Variants in ARHGAP24 observed in about 807,000 individuals in gnomAD.
ARHGAP24 encodes the protein rho GTPase-activating protein 24.
Under a neutral mutation model 76.4 loss-of-function variants are expected in ARHGAP24, and 50 were observed. That is an observed-to-expected ratio of 0.65 (90% CI 0.52 to 0.83). The LOEUF (loss-of-function observed/expected upper bound fraction) is 0.83. Among genes scored for constraint, ARHGAP24 ranks in the 40% least tolerant of loss-of-function variants. The pLI is 0.00. For missense variants in ARHGAP24, 930 were observed against 914.2 expected (o/e 1.02, Z -0.22); for synonymous variants, 345 against 323.3 (o/e 1.07, Z -0.72).
chr4:85,897,900 T>A (rs1734277078), intron 3 of ARHGAP24, among the ~76,000 whole-genome samples: 1 of 151,804 alleles, frequency 6.6e-6, no homozygotes, highest in Non-Finnish European at 1.5e-5. Context: ...CGCAAATGTG[T>A]GGCTGCGTCC....
At chr4:85,850,443 A>G (rs909087198) in intron 3 of ARHGAP24, among the ~76,000 whole-genome samples, 4 of 151,668 alleles carry the variant, frequency 2.6e-5, no homozygotes, top group African/African-American at 4.8e-5. Flanking sequence ...TTGTGTCTCT[A>G]TCTCCTTCAG....
intron 2 of ARHGAP24, among the ~76,000 whole-genome samples, chr4:85,626,514 A>G (rs931784588): frequency 2.4e-4 from 36 of 151,768 alleles, no homozygotes; most frequent in African/African-American, 8.7e-4. Context: ...TAACATTTTT[A>G]CCTTCATTTC....
intron 3 of ARHGAP24, among the ~76,000 whole-genome samples, chr4:85,877,257 G>A (rs1349109264): frequency 6.6e-6 from 1 of 152,132 alleles, no homozygotes. Flanking sequence ...GCAGGGTAGT[G>A]TAGGAAAGCA....
intron 4 of ARHGAP24, among the ~76,000 whole-genome samples, chr4:85,940,341 G>C (rs1037173136): frequency 1.3e-5 from 2 of 151,792 alleles, no homozygotes; most frequent in Non-Finnish European, 2.9e-5. Flanking sequence ...GTTGCCTAAT[G>C]GACCAAAGAT....
At chr4:85,584,816 G>T (rs1369306449) in intron 2 of ARHGAP24, among the ~76,000 whole-genome samples, 2 of 152,150 alleles carry the variant, frequency 1.3e-5, no homozygotes, top group African/African-American at 2.4e-5. Flanking sequence ...AATACAGCTT[G>T]TCATATCCCT....
intron 3 of ARHGAP24, among the ~76,000 whole-genome samples, chr4:85,781,451 G>A (rs556151327): frequency 1.3e-5 from 2 of 152,248 alleles, no homozygotes; most frequent in South Asian, 2.1e-4. Flanking sequence ...TATAAGCTGA[G>A]TCCAGGGCAA....
intron 5 of ARHGAP24, among the ~76,000 whole-genome samples, chr4:85,949,210 C>T (rs1020482406): frequency 5.9e-5 from 9 of 152,144 alleles, no homozygotes; most frequent in African/African-American, 1.2e-4. Flanking sequence ...TCACTGGCTG[C>T]GCAGACTCTG....
rs11941901 is a variant in ARHGAP24, at chr4:85,820,918, A to G, written c.268+98946A>G. Among the ~76,000 whole-genome samples the G allele has an allele frequency of 9.5e-3, 1,442 of 152,236 alleles. 27 individuals are homozygous for G. Among genetic ancestry groups the G allele is most frequent in the African/African-American group, 0.032 (1,350 of 41,574 alleles). ...AAATAGAGAAATGTATAAATAAGCTATATCATATTAATTTAAAATATTTTG... is the reference window on the plus strand; with the variant it reads ...AAATAGAGAAATGTATAAATAAGCTGTATCATATTAATTTAAAATATTTTG... On this transcript the variant is annotated intron_variant, in intron 3 of 9. Coordinates refer to ENST00000395184, the MANE Select transcript of ARHGAP24 (RefSeq NM_001025616.3).
chr4:85,565,167 C>T (rs1395507418), intron 1 of ARHGAP24, among the ~76,000 whole-genome samples: 4 of 151,462 alleles, frequency 2.6e-5, no homozygotes, highest in African/African-American at 7.3e-5. Context: ...ACAAACCAGC[C>T]TATTAGCAAT....
chr4:85,510,320 A>G (rs1315238033), intron 1 of ARHGAP24, among the ~76,000 whole-genome samples: 2 of 152,138 alleles, frequency 1.3e-5, no homozygotes, highest in East Asian at 1.9e-4. Context: ...CCCTGAGGAA[A>G]ATATTTGCTA....
At chr4:85,956,752 G>T (rs2148837388) in intron 5 of ARHGAP24, among the ~76,000 whole-genome samples, 1 of 152,302 alleles carries the variant, frequency 6.6e-6, no homozygotes, top group South Asian at 2.1e-4. Flanking sequence ...TGAATCAGGA[G>T]CACAGCCGAC....
At chr4:85,639,068 T>C (rs1236920407) in intron 2 of ARHGAP24, among the ~76,000 whole-genome samples, 1 of 152,144 alleles carries the variant, frequency 6.6e-6, no homozygotes, top group African/African-American at 2.4e-5. Context: ...GAACATCTCT[T>C]TTATGATACA....
At chr4:85,531,120 T>A (rs1725239347) in intron 1 of ARHGAP24, among the ~76,000 whole-genome samples, 1 of 152,014 alleles carries the variant, frequency 6.6e-6, no homozygotes. Flanking sequence ...TGTCAGTTCT[T>A]TGAGTGGGGC....
chr4:85,517,054 C>T (rs966519588), intron 1 of ARHGAP24, among the ~76,000 whole-genome samples: 9 of 152,122 alleles, frequency 5.9e-5, no homozygotes, highest in Non-Finnish European at 1.3e-4. Flanking sequence ...GTTGAGCTGA[C>T]ACTTTTATCA....
intron 3 of ARHGAP24, among the ~76,000 whole-genome samples, chr4:85,905,709 A>G (rs1578370875): frequency 6.6e-6 from 1 of 152,214 alleles, no homozygotes; most frequent in East Asian, 1.9e-4. Flanking sequence ...TCCTAAATGC[A>G]TGTGAAGAGC....
At chr4:85,893,686 G>A (rs1285573379) in intron 3 of ARHGAP24, among the ~76,000 whole-genome samples, 1 of 138,314 alleles carries the variant, frequency 7.2e-6, no homozygotes, top group Non-Finnish European at 1.6e-5. Context: ...TTGAATATTG[G>A]CCCCCACTCT....
intron 5 of ARHGAP24, among the ~76,000 whole-genome samples, chr4:85,955,004 C>T (rs941642650): frequency 3.9e-5 from 6 of 152,194 alleles, no homozygotes; most frequent in African/African-American, 1.4e-4. Context: ...GAGTGAAACT[C>T]TGTCTCAAAA....
chr4:85,784,369 T>C (rs1189301455), intron 3 of ARHGAP24, among the ~76,000 whole-genome samples: 6 of 151,950 alleles, frequency 3.9e-5, no homozygotes, highest in Admixed American at 3.9e-4. Flanking sequence ...TCAGTGTCTG[T>C]GTTTATTTTG....
chr4:85,726,987 TG>T (rs1462537088), intron 3 of ARHGAP24, among the ~76,000 whole-genome samples: 1 of 151,760 alleles, frequency 6.6e-6, no homozygotes, highest in Non-Finnish European at 1.5e-5. Context: ...GGATCCAAGG[TG>T]GGGGGATCCT....
Sources: allele counts gnomAD v4.1 joint callset (sites outside exome capture counted in the v4.1 genomes callset), GRCh38; gene constraint gnomAD v4.1.1; transcripts MANE v1.5; gene names NCBI Gene and HGNC (gene_info 2026-07-23, HGNC 2026-07-21).